ADCY5: variants seen among roughly 807,000 people sequenced by gnomAD.
The protein encoded by ADCY5 is adenylate cyclase 5.
ADCY5 carries 30 observed loss-of-function variants against 119.7 expected under a neutral mutation model. The observed-to-expected ratio is 0.25, with a 90% CI of 0.19 to 0.34. The LOEUF (loss-of-function observed/expected upper bound fraction) is 0.34, where lower values mean the gene tolerates loss of function less well. Among genes scored for constraint, ADCY5 ranks in the 10% least tolerant of loss-of-function variants. The pLI, the probability that ADCY5 is intolerant of heterozygous loss-of-function variation, is 1.00. For synonymous variants in ADCY5, 753 were observed against 762.2 expected (o/e 0.99, Z 0.20); for missense variants, 1,324 against 1,775.2 (o/e 0.75, Z 4.57).
Position 123,315,280 on chromosome 3 carries a change from C to G in ADCY5, c.2355-958G>C, listed in dbSNP as rs183209009. 1.1e-4 allele frequency among the ~76,000 whole-genome samples: 17 copies of G among 152,350 alleles called. No homozygotes were observed. In the East Asian group the frequency reaches 3.1e-3, roughly 28 times the overall value. ...GTTCCAGGCCTCCACAAAAGCCCGGCACTTAGCTGCCTTCAACAAACGGAA... is the reference window on the plus strand; with the variant it reads ...GTTCCAGGCCTCCACAAAAGCCCGGGACTTAGCTGCCTTCAACAAACGGAA... On this transcript the variant is annotated intron_variant, in intron 11 of 20. Transcript: ENST00000462833.
intron 12 of ADCY5, among the ~76,000 whole-genome samples, chr3:123,312,308 G>T (rs1358784309): frequency 6.6e-6 from 1 of 152,180 alleles, no homozygotes; most frequent in African/African-American, 2.4e-5. Flanking sequence ...ACTTAAAAAA[G>T]AAATGTTCTC....
intron 13 of ADCY5, 81 bp downstream of exon 13, chr3:123,303,986 G>T: frequency 1.0e-6 from 1 of 1,001,334 alleles, no homozygotes; most frequent in Non-Finnish European, 1.6e-6. Flanking sequence ...TCTCTCCTAG[G>T]CCTGCTTGTC....
chr3:123,350,693 T>C (rs1307606806), intron 2 of ADCY5, among the ~76,000 whole-genome samples: 1 of 152,214 alleles, frequency 6.6e-6, no homozygotes, highest in Non-Finnish European at 1.5e-5. Flanking sequence ...TGCAGAAAGC[T>C]TCCCCTCCTC....
intron 1 of ADCY5, among the ~76,000 whole-genome samples, chr3:123,356,781 A>G (rs1943054534): frequency 6.6e-6 from 1 of 152,238 alleles, no homozygotes; most frequent in Admixed American, 6.5e-5. Flanking sequence ...TTTGGAAAAC[A>G]GTTCAGCAAT....
intron 1 of ADCY5, among the ~76,000 whole-genome samples, chr3:123,428,567 T>C (rs765219009): frequency 1.4e-4 from 22 of 152,096 alleles, no homozygotes; most frequent in Non-Finnish European, 8.8e-5. Context: ...AATCTAACCA[T>C]CATATTGTGC....
At chr3:123,312,151 G>A (rs1280551875) in intron 12 of ADCY5, among the ~76,000 whole-genome samples, 2 of 152,108 alleles carry the variant, frequency 1.3e-5, no homozygotes, top group African/African-American at 4.8e-5. Flanking sequence ...TATAGCTCAG[G>A]TTCACCTAAG....
In ADCY5 at chr3:123,434,971, C is replaced by A. The variant is rs551251919; in HGVS notation, c.1134+12441G>T. Among the ~76,000 whole-genome samples, 3 of 152,300 alleles carry A rather than the reference C, an allele frequency of 2.0e-5. No homozygotes were observed. The South Asian group carries it at 6.2e-4, about 32-fold the overall frequency. On this transcript the variant is annotated intron_variant, in intron 1 of 20. Coordinates refer to ENST00000462833, the MANE Select transcript of ADCY5 (RefSeq NM_183357.3). ...GTTTCACTCCTTTGGGTATATGCCACACACAGTAAGAGCTTAATAAGTGAG... is the reference window on the plus strand; with the variant it reads ...GTTTCACTCCTTTGGGTATATGCCAAACACAGTAAGAGCTTAATAAGTGAG...
chr3:123,415,597 T>C (rs1344619114), intron 1 of ADCY5, among the ~76,000 whole-genome samples: 1 of 152,170 alleles, frequency 6.6e-6, no homozygotes, highest in African/African-American at 2.4e-5. Flanking sequence ...GGAGGTGGCA[T>C]GTCCCACAGC....
At chr3:123,415,642 G>C (rs981018771) in intron 1 of ADCY5, among the ~76,000 whole-genome samples, 1 of 152,214 alleles carries the variant, frequency 6.6e-6, no homozygotes, top group African/African-American at 2.4e-5. Flanking sequence ...TCCAACCAGA[G>C]AGAAGGCAGT....
intron 1 of ADCY5, among the ~76,000 whole-genome samples, chr3:123,402,171 C>CT (rs1944775232): frequency 6.6e-6 from 1 of 152,168 alleles, no homozygotes; most frequent in Non-Finnish European, 1.5e-5. Context: ...ACACAAGAGG[C>CT]TTAGGGAGGG....
rs1366199080 is a variant in ADCY5, at chr3:123,405,656, T to C, written c.1134+41756A>G. Among the ~76,000 whole-genome samples the C allele has an allele frequency of 2.6e-5, 4 of 152,276 alleles. No individual in the cohort carries two copies. The East Asian group carries it at 7.7e-4, about 29-fold the overall frequency. On this transcript the variant is annotated intron_variant, in intron 1 of 20. Coordinates refer to ENST00000462833, the MANE Select transcript of ADCY5 (RefSeq NM_183357.3). Reference sequence around the variant, plus strand: ...TTTATTTTATTTTATTTATTTTGAGTCAGAGGCTCGCTTTGTCGTCCAGGC... The same window carrying C: ...TTTATTTTATTTTATTTATTTTGAGCCAGAGGCTCGCTTTGTCGTCCAGGC...
intron 1 of ADCY5, among the ~76,000 whole-genome samples, chr3:123,392,010 G>C (rs928605636): frequency 6.6e-6 from 1 of 152,274 alleles, no homozygotes; most frequent in South Asian, 2.1e-4. Flanking sequence ...CTGGCAGTAG[G>C]GGCAGAGTCA....
At chr3:123,310,393 G>C (rs747524263) in intron 12 of ADCY5, among the ~76,000 whole-genome samples, 6 of 152,164 alleles carry the variant, frequency 3.9e-5, no homozygotes, top group Non-Finnish European at 8.8e-5. Flanking sequence ...ATGTGGAGCT[G>C]GCCAAAGAGG....
intron 1 of ADCY5, among the ~76,000 whole-genome samples, chr3:123,380,363 A>T (rs1943991335): frequency 6.6e-6 from 1 of 152,182 alleles, no homozygotes. Flanking sequence ...TGGCGTTTGG[A>T]GGCTTTTAGA....
In ADCY5 at chr3:123,286,385, C is replaced by A. The variant is rs1213433713; in HGVS notation, c.3657+300G>T. On this transcript the variant is annotated intron_variant, in intron 20 of 20. Coordinates refer to ENST00000462833, the MANE Select transcript of ADCY5 (RefSeq NM_183357.3). The surrounding 1 kb of genome is among the most constrained non-coding windows in gnomAD (Gnocchi z 4.2). ...GTGCCTGGGCTAGGAGGCACTGGGG[C>A]CTGCATGTGCACTCTCAGCTCGGCC... Among the ~76,000 whole-genome samples, 1 of 152,192 alleles carries A rather than the reference C, an allele frequency of 6.6e-6. No homozygotes were observed.
chr3:123,326,553 C>T (rs893172689), intron 7 of ADCY5, among the ~76,000 whole-genome samples: 1 of 152,162 alleles, frequency 6.6e-6, no homozygotes, highest in African/African-American at 2.4e-5. Flanking sequence ...GCCTTGTGAC[C>T]CAGGCACTGA....
In ADCY5 at chr3:123,332,588, G is replaced by A. The variant is rs529928594; in HGVS notation, c.1494C>T (p.Phe498=). 9.6e-5 allele frequency: 155 copies of A among 1,613,580 alleles called. No individual in the cohort carries two copies. Among genetic ancestry groups the A allele is most frequent in the African/African-American group, 2.5e-4 (19 of 75,058 alleles). The part of the protein sequence containing the change: ...QELVMTLNEL[F]ARFDKLAAEN... ...CTGCGGCCAGCTTGTCAAAGCGGGC[G>A]AAGAGCTCGTTGAGGGTCATGACCA... is the stretch of plus-strand genomic sequence containing the variant. The change falls in exon 4 of 21, where the codon TTC becomes TTT. Residue 498 remains phenylalanine (F), a synonymous_variant. Coordinates refer to ENST00000462833, the MANE Select transcript of ADCY5 (RefSeq NM_183357.3).
intron 7 of ADCY5, among the ~76,000 whole-genome samples, chr3:123,327,244 A>T (rs1215399540): frequency 6.6e-6 from 1 of 152,204 alleles, no homozygotes; most frequent in East Asian, 1.9e-4. Context: ...CGATCTATGG[A>T]TCAGAGAGAG....
At chr3:123,431,757 T>C (rs1274490567) in intron 1 of ADCY5, among the ~76,000 whole-genome samples, 2 of 152,218 alleles carry the variant, frequency 1.3e-5, no homozygotes, top group Admixed American at 6.5e-5. Flanking sequence ...CCAAGTTTTC[T>C]TCCCCTCTTA....
Sources: allele counts gnomAD v4.1 joint callset (sites outside exome capture counted in the v4.1 genomes callset), GRCh38; gene constraint gnomAD v4.1.1; non-coding constraint Gnocchi (gnomAD v3.1); transcripts MANE v1.5; gene names NCBI Gene and HGNC (gene_info 2026-07-23, HGNC 2026-07-21).